NEK7: variants seen among roughly 807,000 people sequenced by gnomAD.
NEK7 encodes the protein serine/threonine-protein kinase Nek7.
In NEK7, 18 loss-of-function variants were observed where a neutral mutation model predicts 44.6. That is an observed-to-expected ratio of 0.40 (90% CI 0.28 to 0.60). NEK7 has a LOEUF of 0.60. Among genes scored for constraint, NEK7 ranks in the 20% least tolerant of loss-of-function variants. The pLI, the probability that NEK7 is intolerant of heterozygous loss-of-function variation, is 0.38. For missense variants in NEK7, 256 were observed against 366.5 expected (o/e 0.70, Z 2.46); for synonymous variants, 130 against 121.1 (o/e 1.07, Z -0.48).
chr1:198,275,684 T>C (rs1359183344), intron 5 of NEK7, among the ~76,000 whole-genome samples: 1 of 151,488 alleles, frequency 6.6e-6, no homozygotes, highest in Non-Finnish European at 1.5e-5. Flanking sequence ...TTATGGAAGT[T>C]CCTGCTTTGT....
intron 2 of NEK7, among the ~76,000 whole-genome samples, chr1:198,234,884 G>C (rs1429005928): frequency 2.0e-5 from 3 of 152,198 alleles, no homozygotes; most frequent in Admixed American, 1.3e-4. Flanking sequence ...GTGAGACAGT[G>C]TAAGAAAGAT....
intron 2 of NEK7, among the ~76,000 whole-genome samples, chr1:198,242,401 CT>C (rs111872515): frequency 0.33 from 44,358 of 133,924 alleles, 7,936 homozygotes; most frequent in East Asian, 0.79. Flanking sequence ...CTTTCTTTTT[CT>C]TTTTTTTTTT....
intron 9 of NEK7, among the ~76,000 whole-genome samples, chr1:198,314,015 T>A (rs1352067233): frequency 6.6e-6 from 1 of 151,664 alleles, no homozygotes; most frequent in Non-Finnish European, 1.5e-5. Flanking sequence ...CCGGATAATA[T>A]CCTGCAGAGT....
At chr1:198,208,715 T>C (rs911296508) in intron 1 of NEK7, 5 of 152,172 alleles carry the variant, frequency 3.3e-5, no homozygotes, top group African/African-American at 1.2e-4. Flanking sequence ...TTTGAGATAA[T>C]TTGATGCCGT....
chr1:198,256,569 A>G, intron 3 of NEK7: 1 of 1,411,978 alleles, frequency 7.1e-7, no homozygotes. Context: ...CTCCTTCTTC[A>G]GTGCTTCCCT....
At chr1:198,238,262 A>G (rs534542221) in intron 2 of NEK7, among the ~76,000 whole-genome samples, 2 of 152,120 alleles carry the variant, frequency 1.3e-5, no homozygotes, top group East Asian at 3.9e-4. Context: ...CCTTGCCCAC[A>G]TACATAGGAT....
intron 1 of NEK7, among the ~76,000 whole-genome samples, chr1:198,217,121 G>C (rs1228275121): frequency 6.6e-6 from 1 of 152,060 alleles, no homozygotes; most frequent in Non-Finnish European, 1.5e-5. Flanking sequence ...GTGTCACCCT[G>C]ATATCAAAGC....
intron 8 of NEK7, among the ~76,000 whole-genome samples, chr1:198,293,783 A>G (rs952855923): frequency 1.3e-4 from 19 of 151,936 alleles, no homozygotes; most frequent in African/African-American, 4.3e-4. Context: ...AAAGCTGTTA[A>G]TTAAAAATTA....
intron 5 of NEK7, among the ~76,000 whole-genome samples, chr1:198,266,682 T>C (rs548394865): frequency 5.8e-4 from 88 of 152,214 alleles, no homozygotes; most frequent in Non-Finnish European, 1.1e-3. Flanking sequence ...CAGTAATACC[T>C]GTCTTACAGT....
chr1:198,264,145 A>G lies in NEK7; in HGVS notation c.282A>G (p.Val94=). The part of the protein sequence containing the change: ...DLLKQLNHPN[V]IKYYASFIED... The stretch of plus-strand genomic sequence containing the variant: ...CTCAGCAACTCAACCATCCAAATGT[A>G]ATAAAATATTATGCATCATTCATTG... The change falls in exon 5 of 10, where the codon GTA becomes GTG. Residue 94 remains valine (V), a synonymous_variant. Transcript: ENST00000367385. 1.3e-6 allele frequency: 2 copies of G among 1,593,206 alleles called. No homozygotes were observed. The highest frequency in any genetic ancestry group is 1.4e-5 in the African/African-American group (1 of 73,576).
chr1:198,264,284 A>G (rs1471641368), intron 5 of NEK7, 49 bp downstream of exon 5: 2 of 1,349,590 alleles, frequency 1.5e-6, no homozygotes, highest in Non-Finnish European at 2.1e-6. Flanking sequence ...TTTTTTTTCT[A>G]ATAGAATTGT....
chr1:198,298,008 A>C (rs1314421937), intron 9 of NEK7, among the ~76,000 whole-genome samples: 2 of 152,164 alleles, frequency 1.3e-5, no homozygotes, highest in Non-Finnish European at 2.9e-5. Flanking sequence ...CTAACGTATC[A>C]TCATTTTACG....
intron 1 of NEK7, among the ~76,000 whole-genome samples, chr1:198,195,846 A>G (rs1665215574): frequency 6.6e-6 from 1 of 151,514 alleles, no homozygotes; most frequent in African/African-American, 2.5e-5. Context: ...CCGAATATGC[A>G]CTACTATTTT....
chr1:198,182,941 C>CT (rs1664810828), intron 1 of NEK7, among the ~76,000 whole-genome samples: 1 of 152,076 alleles, frequency 6.6e-6, no homozygotes, highest in Non-Finnish European at 1.5e-5. Context: ...AGGCCTTCTA[C>CT]AGGAAGGGGA....
intron 7 of NEK7, among the ~76,000 whole-genome samples, chr1:198,279,782 A>G (rs1388957594): frequency 6.6e-6 from 1 of 152,002 alleles, no homozygotes; most frequent in Admixed American, 6.6e-5. Context: ...CTAAATAACA[A>G]AATAGTGAAA....
At chr1:198,168,437 G>A (rs893442094) in intron 1 of NEK7, among the ~76,000 whole-genome samples, 12 of 152,168 alleles carry the variant, frequency 7.9e-5, no homozygotes, top group Non-Finnish European at 1.3e-4. Flanking sequence ...TCCCCAGAAC[G>A]TCAGCATTTC....
At chr1:198,164,595 C>G (rs1558037587) in intron 1 of NEK7, among the ~76,000 whole-genome samples, 1 of 152,168 alleles carries the variant, frequency 6.6e-6, no homozygotes, top group Non-Finnish European at 1.5e-5. Context: ...TGTGCAATAG[C>G]ATTATGTCTA....
In NEK7 at chr1:198,236,780, A is replaced by C. The variant is rs565592679; in HGVS notation, c.57+4143A>C. On this transcript the variant is annotated intron_variant, in intron 2 of 9. Transcript: ENST00000367385. ...CCCCCTCTACTGGGTCCGTGCTACT[A>C]TGCTATTACTTCTCCCATCTAAACA... Among the ~76,000 whole-genome samples the C allele has an allele frequency of 1.4e-4, 21 of 152,242 alleles. No homozygotes were observed. In the South Asian group the frequency reaches 2.1e-3, roughly 15 times the overall value.
chr1:198,310,529 C>G (rs1478806728), intron 9 of NEK7, among the ~76,000 whole-genome samples: 1 of 137,946 alleles, frequency 7.2e-6, no homozygotes, highest in Non-Finnish European at 1.6e-5. Flanking sequence ...ATGGTATGTC[C>G]TGAATGGTAA....
Sources: gnomAD v4.1 joint callset for allele counts (sites outside exome capture counted in the v4.1 genomes callset) on GRCh38, gnomAD v4.1.1 for gene constraint, MANE v1.5 for transcripts, NCBI Gene and HGNC (gene_info 2026-07-23, HGNC 2026-07-21) for gene names.